LRRTM4: variants seen among roughly 807,000 people sequenced by gnomAD.
The protein encoded by LRRTM4 is leucine-rich repeat transmembrane neuronal protein 4.
A neutral mutation model predicts 47.6 loss-of-function variants in LRRTM4; 25 were observed. That is an observed-to-expected ratio of 0.53 (90% CI 0.38 to 0.73). The LOEUF (loss-of-function observed/expected upper bound fraction) is 0.73, where lower values mean the gene tolerates loss of function less well. LRRTM4 is among the 30% of genes least tolerant of loss of function. LRRTM4 has a pLI of 0.00. For synonymous variants in LRRTM4, 311 were observed against 269.5 expected (o/e 1.15, Z -1.51); for missense variants, 638 against 713.4 (o/e 0.89, Z 1.20).
At chr2:77,343,214 AT>A (rs1324949835) in intron 3 of LRRTM4, among the ~76,000 whole-genome samples, 1 of 151,858 alleles carries the variant, frequency 6.6e-6, no homozygotes, top group Non-Finnish European at 1.5e-5. Context: ...AGGTAAAGAT[AT>A]TTTTTTCCGT....
At chr2:77,359,012 C>T (rs1672077256) in intron 3 of LRRTM4, among the ~76,000 whole-genome samples, 1 of 151,970 alleles carries the variant, frequency 6.6e-6, no homozygotes, top group South Asian at 2.1e-4. Flanking sequence ...TTATATTAAT[C>T]CTTTATTTTC....
chr2:76,954,680 T>C (rs965766835), intron 3 of LRRTM4, among the ~76,000 whole-genome samples: 13 of 151,696 alleles, frequency 8.6e-5, no homozygotes, highest in African/African-American at 2.9e-4. Flanking sequence ...AAGTCCAGAT[T>C]TGAAAAACCC....
At chr2:76,791,700 T>C (rs903457010) in intron 3 of LRRTM4, among the ~76,000 whole-genome samples, 1 of 152,184 alleles carries the variant, frequency 6.6e-6, no homozygotes, top group African/African-American at 2.4e-5. Context: ...TATGGAGAAA[T>C]GCCACAGTGC....
chr2:77,018,417 AG>A (rs1678151727), intron 3 of LRRTM4, among the ~76,000 whole-genome samples: 1 of 152,084 alleles, frequency 6.6e-6, no homozygotes, highest in Non-Finnish European at 1.5e-5. Flanking sequence ...CTTTCAGGGA[AG>A]AAACCATGTA....
chr2:76,814,514 A>T (rs1670841434), intron 3 of LRRTM4, among the ~76,000 whole-genome samples: 1 of 152,162 alleles, frequency 6.6e-6, no homozygotes, highest in African/African-American at 2.4e-5. Flanking sequence ...TTAAAAAAAT[A>T]AATTAATTAA....
intron 3 of LRRTM4, among the ~76,000 whole-genome samples, chr2:77,401,867 G>T (rs1272301218): frequency 6.6e-6 from 1 of 151,980 alleles, no homozygotes; most frequent in African/African-American, 2.4e-5. Context: ...GAGCTATAAT[G>T]CTAGAATATA....
chr2:77,183,360 G>A (rs567484012), intron 3 of LRRTM4, among the ~76,000 whole-genome samples: 3 of 152,248 alleles, frequency 2.0e-5, no homozygotes, highest in Non-Finnish European at 4.4e-5. Context: ...TCAGAGAAAT[G>A]CAAATCAAAA....
chr2:77,344,616 G>A (rs1037084692), intron 3 of LRRTM4, among the ~76,000 whole-genome samples: 1 of 151,376 alleles, frequency 6.6e-6, no homozygotes, highest in African/African-American at 2.4e-5. Context: ...ATTATGATAT[G>A]GAAAAAAAAG....
chr2:77,017,752 A>G (rs1259722980), intron 3 of LRRTM4, among the ~76,000 whole-genome samples: 2 of 152,034 alleles, frequency 1.3e-5, no homozygotes, highest in Admixed American at 6.6e-5. Context: ...AAAAACAACA[A>G]TTTTAGGAAT....
chr2:76,936,633 T>G (rs1238887580), intron 3 of LRRTM4, among the ~76,000 whole-genome samples: 1 of 147,204 alleles, frequency 6.8e-6, no homozygotes, highest in Non-Finnish European at 1.5e-5. Context: ...GCAGTGATAC[T>G]CACTCTTTAC....
intron 3 of LRRTM4, among the ~76,000 whole-genome samples, chr2:76,913,474 T>C (rs914673609): frequency 1.3e-5 from 2 of 152,016 alleles, no homozygotes; most frequent in African/African-American, 4.8e-5. Flanking sequence ...TTCACATGGA[T>C]ATTTTTAACA....
chr2:77,229,247 C>T (rs1294714965), intron 3 of LRRTM4, among the ~76,000 whole-genome samples: 1 of 151,924 alleles, frequency 6.6e-6, no homozygotes, highest in Non-Finnish European at 1.5e-5. Flanking sequence ...TTTCTATATT[C>T]ATTCCCCAGG....
At chr2:76,895,345 C>T (rs529371462) in intron 3 of LRRTM4, among the ~76,000 whole-genome samples, 57 of 152,042 alleles carry the variant, frequency 3.7e-4, no homozygotes, top group African/African-American at 1.3e-3. Flanking sequence ...TCCATGAGAA[C>T]GAAAATTTAG....
chr2:76,859,585 A>C (rs1296862926), intron 3 of LRRTM4, among the ~76,000 whole-genome samples: 1 of 152,138 alleles, frequency 6.6e-6, no homozygotes, highest in Non-Finnish European at 1.5e-5. Flanking sequence ...CTAACCTATG[A>C]CAGTATGTGA....
intron 3 of LRRTM4, among the ~76,000 whole-genome samples, chr2:77,476,676 G>A (rs138345251): frequency 5.4e-4 from 82 of 152,106 alleles, no homozygotes; most frequent in African/African-American, 1.7e-3. Flanking sequence ...ATTTCATGAC[G>A]TAGAACAATT....
intron 3 of LRRTM4, among the ~76,000 whole-genome samples, chr2:76,836,125 C>G (rs1671505051): frequency 1.4e-5 from 2 of 146,506 alleles, no homozygotes; most frequent in Admixed American, 1.4e-4. Context: ...TATTTGAAGA[C>G]AGTTTTCCAG....
intron 3 of LRRTM4, among the ~76,000 whole-genome samples, chr2:76,891,926 G>C (rs1296497825): frequency 1.3e-5 from 2 of 151,680 alleles, no homozygotes; most frequent in Admixed American, 6.6e-5. Flanking sequence ...AGAAAAAATT[G>C]CTGTATATGT....
chr2:76,803,673 T>C (rs1268338815), intron 3 of LRRTM4, among the ~76,000 whole-genome samples: 3 of 152,138 alleles, frequency 2.0e-5, no homozygotes, highest in African/African-American at 7.2e-5. Context: ...AGAAAAGAGT[T>C]AACATGGCAT....
intron 3 of LRRTM4, among the ~76,000 whole-genome samples, chr2:76,802,272 G>C (rs1006892676): frequency 1.4e-5 from 2 of 147,596 alleles, no homozygotes; most frequent in Non-Finnish European, 3.0e-5. Context: ...AATAAAGTAA[G>C]TAAAGTTGTA....
Sources: allele counts gnomAD v4.1 joint callset (sites outside exome capture counted in the v4.1 genomes callset), GRCh38; gene constraint gnomAD v4.1.1; transcripts MANE v1.5; gene names NCBI Gene and HGNC (gene_info 2026-07-23, HGNC 2026-07-21).